MCC: variants seen among roughly 807,000 people sequenced by gnomAD.
MCC encodes MCC regulator of Wnt signaling pathway.
In MCC, 90 loss-of-function variants were observed where a neutral mutation model predicts 116.2. That is an observed-to-expected ratio of 0.77 (90% CI 0.65 to 0.92). MCC has a LOEUF of 0.92. Ranked by LOEUF, MCC falls within the 40% of genes least tolerant of loss-of-function variation. The pLI, the probability that MCC is intolerant of heterozygous loss-of-function variation, is 0.00. For synonymous variants in MCC, 578 were observed against 510.5 expected (o/e 1.13, Z -1.78); for missense variants, 1,516 against 1,312.2 (o/e 1.16, Z -2.40).
chr5:113,299,670 A>G (rs534452490), intron 3 of MCC, among the ~76,000 whole-genome samples: 31 of 152,354 alleles, frequency 2.0e-4, no homozygotes, highest in Admixed American at 4.6e-4. Context: ...GTATAACTCT[A>G]CATGACTACA....
chr5:113,169,104 T>C (rs1247478010), intron 3 of MCC, among the ~76,000 whole-genome samples: 1 of 152,076 alleles, frequency 6.6e-6, no homozygotes, highest in African/African-American at 2.4e-5. Context: ...CCAGACTCCC[T>C]GCCCTCTGTC....
chr5:113,273,864 G>T (rs1765709351), intron 3 of MCC, among the ~76,000 whole-genome samples: 1 of 151,936 alleles, frequency 6.6e-6, no homozygotes, highest in African/African-American at 2.4e-5. Flanking sequence ...AGGTTAAAAA[G>T]CATTATGCTC....
intron 3 of MCC, among the ~76,000 whole-genome samples, chr5:113,279,163 T>C (rs927211614): frequency 2.0e-5 from 3 of 152,134 alleles, no homozygotes; most frequent in Non-Finnish European, 2.9e-5. Flanking sequence ...CCAATTCCAA[T>C]TGCTGTGTTA....
At position 113,085,240 on chromosome 5, in the gene MCC, G is replaced by T. The variant is rs763225841; in HGVS notation, c.1469C>A (p.Ser490Tyr). The stretch of plus-strand genomic sequence containing the variant: ...GCTGGGGTTAATCGGGCGGTTGGTG[G>T]AAGTGAGGCGGCCAGGGCTGGAGGG... ...TGPSSPGRLT[S>Y]TNRPINPSTG... Residue 490 changes from serine (S) to tyrosine (Y), a missense_variant, in exon 9 of 19, where the codon TCC becomes TAC. Transcript: ENST00000408903. The T allele has an allele frequency of 1.2e-6, 2 of 1,614,048 alleles. No homozygotes were observed. The highest frequency in any genetic ancestry group is 1.7e-5 in the Admixed American group (1 of 59,998).
intron 5 of MCC, among the ~76,000 whole-genome samples, chr5:113,137,256 T>A (rs1758894153): frequency 1.3e-5 from 2 of 152,128 alleles, no homozygotes; most frequent in African/African-American, 2.4e-5. Flanking sequence ...TCAGAATTCG[T>A]TCTTATGCTA....
intron 2 of MCC, among the ~76,000 whole-genome samples, chr5:113,367,752 T>C (rs1011751280): frequency 2.6e-5 from 4 of 151,444 alleles, no homozygotes; most frequent in African/African-American, 9.7e-5. Flanking sequence ...GACATCAGGG[T>C]AGGGTATGCT....
At chr5:113,421,671 A>T (rs557382610) in intron 1 of MCC, among the ~76,000 whole-genome samples, 1 of 151,906 alleles carries the variant, frequency 6.6e-6, no homozygotes, top group African/African-American at 2.4e-5. Flanking sequence ...TCTTCCTGTG[A>T]CTCTGTTCTA....
intron 17 of MCC, among the ~76,000 whole-genome samples, chr5:113,040,508 G>C (rs898803339): frequency 6.6e-6 from 1 of 152,132 alleles, no homozygotes. Context: ...ATGCTGGTAA[G>C]ATTCCCCCAG....
intron 2 of MCC, among the ~76,000 whole-genome samples, chr5:113,377,838 C>A (rs913729988): frequency 1.1e-4 from 16 of 152,152 alleles, no homozygotes; most frequent in Non-Finnish European, 2.1e-4. Flanking sequence ...TTATAACTCC[C>A]AATTAAATAT....
At position 113,206,113 on chromosome 5, in the gene MCC, G is replaced by A. The variant is rs111781226; in HGVS notation, c.628-54691C>T. Among the ~76,000 whole-genome samples, 839 of 152,282 alleles carry A rather than the reference G, an allele frequency of 5.5e-3. 7 individuals are homozygous for A. Among genetic ancestry groups the A allele is most frequent in the African/African-American group, 0.018 (766 of 41,566 alleles). On this transcript the variant is annotated intron_variant, in intron 3 of 18. Transcript: ENST00000408903. ...GAAGTTCAGAATGACAGGTCACTAC[G>A]GCTTGCAGTCATTGACTCCCAACAC...
intron 1 of MCC, among the ~76,000 whole-genome samples, chr5:113,397,903 G>T (rs1769567955): frequency 6.6e-6 from 1 of 152,134 alleles, no homozygotes. Flanking sequence ...TAAACAGACA[G>T]CCTACAGAAT....
At chr5:113,341,078 G>C (rs144347953) in intron 2 of MCC, among the ~76,000 whole-genome samples, 81 of 152,312 alleles carry the variant, frequency 5.3e-4, no homozygotes, top group Non-Finnish European at 1.0e-3. Context: ...CTTAGCACTG[G>C]TCATTCTTTC....
At chr5:113,172,867 A>G (rs542058627) in intron 3 of MCC, among the ~76,000 whole-genome samples, 2 of 149,198 alleles carry the variant, frequency 1.3e-5, no homozygotes, top group African/African-American at 5.1e-5. Flanking sequence ...ATGTGTAGAT[A>G]TATCACATAT....
intron 17 of MCC, among the ~76,000 whole-genome samples, chr5:113,042,599 A>C (rs1163547317): frequency 6.6e-6 from 1 of 151,970 alleles, no homozygotes; most frequent in Admixed American, 6.6e-5. Context: ...AAACATCACA[A>C]TGAACCTAAC....
chr5:113,029,409 C>A (rs754668816), intron 17 of MCC, among the ~76,000 whole-genome samples: 10 of 150,914 alleles, frequency 6.6e-5, no homozygotes, highest in African/African-American at 2.4e-4. Context: ...AAACCCCCGT[C>A]TGTCTCCATC....
intron 8 of MCC, among the ~76,000 whole-genome samples, chr5:113,085,521 A>G (rs1335322350): frequency 6.6e-6 from 1 of 152,128 alleles, no homozygotes; most frequent in African/African-American, 2.4e-5. Context: ...CACATGTAAT[A>G]CAAAAAGTAG....
intron 5 of MCC, among the ~76,000 whole-genome samples, chr5:113,141,939 C>T (rs1201747406): frequency 6.6e-6 from 1 of 152,210 alleles, no homozygotes; most frequent in Admixed American, 6.5e-5. Flanking sequence ...CTATGCCAGG[C>T]TCCTTTACAT....
chr5:113,215,640 A>T (rs547296943), intron 3 of MCC, among the ~76,000 whole-genome samples: 2 of 152,186 alleles, frequency 1.3e-5, no homozygotes. Flanking sequence ...CTTCCCCTCC[A>T]ATGGATGCAG....
intron 2 of MCC, among the ~76,000 whole-genome samples, chr5:113,378,355 G>A (rs1769034415): frequency 6.6e-6 from 1 of 152,072 alleles, no homozygotes; most frequent in African/African-American, 2.4e-5. Context: ...GGCACCATCA[G>A]AGCAGCAATG....
Sources: gnomAD v4.1 joint callset for allele counts (sites outside exome capture counted in the v4.1 genomes callset) on GRCh38, gnomAD v4.1.1 for gene constraint, MANE v1.5 for transcripts, NCBI Gene and HGNC (gene_info 2026-07-23, HGNC 2026-07-21) for gene names.